FCGR2B: variants seen among roughly 807,000 people sequenced by gnomAD.
The protein encoded by FCGR2B is Fc gamma receptor IIb, also known as low affinity immunoglobulin gamma Fc region receptor II-b.
A neutral mutation model predicts 24.8 loss-of-function variants in FCGR2B; 18 were observed. The observed-to-expected ratio is 0.73, with a 90% CI of 0.50 to 1.08. The LOEUF is 1.08. FCGR2B is among the 50% of genes least tolerant of loss of function. FCGR2B has a pLI of 0.00. For synonymous variants in FCGR2B, 79 were observed against 109.8 expected (o/e 0.72, Z 1.75); for missense variants, 215 against 297.6 (o/e 0.72, Z 2.04).
At chr1:161,651,840 G>A in the FCGR2B span, among the ~76,000 whole-genome samples, 1 of 126,566 alleles carries the variant, frequency 7.9e-6, no homozygotes, top group Non-Finnish European at 1.8e-5. Flanking sequence ...GGGTGAGGCA[G>A]GAGAATTGCT....
intron 3 of FCGR2B, 167 bp downstream of exon 3, chr1:161,671,816 C>T (rs1458551241): frequency 1.1e-5 from 15 of 1,377,028 alleles, no homozygotes; most frequent in Middle Eastern, 2.4e-4. Flanking sequence ...TCTGATTGAA[C>T]AGAAGAAGGT....
At position 161,671,488 on chromosome 1, in the gene FCGR2B, C is replaced by A; in HGVS notation, c.230C>A (p.Pro77His). The change falls in exon 3 of 8, where the codon CCT becomes CAT. Residue 77 changes from proline to histidine, a missense_variant. This residue lies in a region of FCGR2B where 77 missense variants were observed against 68.8 expected (regional missense o/e 1.12). Coordinates refer to ENST00000358671, the MANE Select transcript of FCGR2B (RefSeq NM_001394477.1). ...VTLTCRGTHS[P>H]ESDSIQWFHN... ...CTGACATGCCGGGGGACTCACAGCC[C>A]TGAGAGCGACTCCATTCAGTGGTTC... 1.9e-6 allele frequency: 3 copies of A among 1,614,198 alleles called. No homozygotes were observed. The highest frequency in any genetic ancestry group is 2.5e-6 in the Non-Finnish European group (3 of 1,180,046).
rs775424524 is a variant in FCGR2B at position 161,677,538 on chromosome 1, C to A, written c.918C>A (p.Asp306Glu). ...MHPDALEEPD[D>E]QNRI is the part of the protein sequence containing the mutation. ...CGGATGCTCTGGAAGAGCCTGATGA[C>A]CAGAACCGTATTTAGTCTCCATTGT... Residue 306 changes from aspartate to glutamate, a missense_variant, in exon 8 of 8, where the codon GAC (aspartate) becomes GAA (glutamate). This residue lies in a region of FCGR2B where 81 missense variants were observed against 81.6 expected (regional missense o/e 0.99). Coordinates refer to ENST00000358671, the MANE Select transcript of FCGR2B (RefSeq NM_001394477.1). 4 of 1,612,000 alleles carry A rather than the reference C, an allele frequency of 2.5e-6. No homozygotes were observed. In the South Asian group the frequency reaches 3.3e-5, roughly 13 times the overall value.
At chr1:161,647,479 T>G in the FCGR2B span, among the ~76,000 whole-genome samples, 1 of 150,358 alleles carries the variant, frequency 6.7e-6, no homozygotes, top group Non-Finnish European at 1.5e-5. Context: ...TTTTGTACTT[T>G]TAGTAGGGAC....
At position 161,671,718 on chromosome 1, in the gene FCGR2B, G is replaced by A. The variant is rs575796385; in HGVS notation, c.391+69G>A. 8.1e-6 allele frequency: 13 copies of A among 1,603,688 alleles called. No homozygotes were observed. In the East Asian group the frequency reaches 2.5e-4, roughly 30 times the overall value. On this transcript the variant is annotated intron_variant, in intron 3 of 7. Coordinates refer to ENST00000358671, the MANE Select transcript of FCGR2B (RefSeq NM_001394477.1). ...CGGATGAAATCTGCTTTCAGGCAGA[G>A]GTTTGCAGGAAAGGGGGGTGGCCTG...
At chr1:161,671,751 G>C in intron 3 of FCGR2B, 102 bp downstream of exon 3, 1 of 1,576,874 alleles carries the variant, frequency 6.3e-7, no homozygotes, top group Non-Finnish European at 8.6e-7. Flanking sequence ...CTGCTTACTG[G>C]GAAGTATCGC....
intron 6 of FCGR2B, chr1:161,677,011 C>T (rs1043045677): frequency 1.3e-4 from 55 of 429,902 alleles, no homozygotes; most frequent in African/African-American, 9.8e-4. Flanking sequence ...CCCTCCCCCA[C>T]CTCTTCCCCA....
the FCGR2B span, among the ~76,000 whole-genome samples, chr1:161,647,552 G>A: frequency 3.3e-5 from 5 of 150,224 alleles, no homozygotes; most frequent in South Asian, 4.2e-4. Context: ...TCCCCCCACC[G>A]CCTCGGCCTC....
In FCGR2B at chr1:161,678,260, T is replaced by C. The variant is rs1682301931; in HGVS notation, c.*707T>C. The C allele has an allele frequency of 4.6e-6, 1 of 219,312 alleles. No individual in the cohort carries two copies. The highest frequency in any genetic ancestry group is 9.1e-6 in the Non-Finnish European group (1 of 109,422). 13.6% of individuals were successfully genotyped at this position (219,312 alleles called of 1,614,324 possible). ...TCACGCACCACATAATGATGTTTAG[T>C]TCAACAACAGACTGCATATATGATG... is the stretch of plus-strand genomic sequence containing the variant. On this transcript the variant is annotated 3_prime_UTR_variant, in exon 8 of 8. Transcript: ENST00000358671.
the FCGR2B span, among the ~76,000 whole-genome samples, chr1:161,648,132 C>G: frequency 6.7e-6 from 1 of 149,862 alleles, no homozygotes. Context: ...CTGACAAGAC[C>G]GCAATATACC....
chr1:161,653,970 T>TAATTTG, the FCGR2B span, among the ~76,000 whole-genome samples: 2 of 130,460 alleles, frequency 1.5e-5, no homozygotes, highest in East Asian at 3.9e-4. Context: ...GACACCCCTG[T>TAATTTG]AATTTCATCC....
At chr1:161,673,596 GA>G in intron 4 of FCGR2B, 1 of 671,350 alleles carries the variant, frequency 1.5e-6, no homozygotes, top group Non-Finnish European at 2.7e-6. Context: ...ATTCACTCCA[GA>G]AAGCCTGGCA....
the FCGR2B span, among the ~76,000 whole-genome samples, chr1:161,651,889 T>A: frequency 8.0e-6 from 1 of 124,488 alleles, no homozygotes; most frequent in African/African-American, 2.7e-5. Context: ...GCTGAGATTG[T>A]GCCATTGCAC....
Position 161,678,640 on chromosome 1 carries a change from T to C in FCGR2B, c.*1087T>C, listed in dbSNP as rs913313705. 2 of 198,028 alleles carry C rather than the reference T, an allele frequency of 1.0e-5. No individual in the cohort carries two copies. The highest frequency in any genetic ancestry group is 1.6e-4 in the East Asian group (2 of 12,784). 12.3% of individuals were successfully genotyped at this position (198,028 alleles called of 1,614,324 possible). A position where few individuals can be genotyped will look rare whatever the true frequency, so the allele number is the denominator to read the frequency against. On this transcript the variant is annotated 3_prime_UTR_variant, in exon 8 of 8. Coordinates refer to ENST00000358671, the MANE Select transcript of FCGR2B (RefSeq NM_001394477.1). ...TTTCCTCCTATGGCAAATAAAACAC[T>C]GTTTTGCAACACAAGTTCACGGGAA...
the FCGR2B span, among the ~76,000 whole-genome samples, chr1:161,648,919 T>A: frequency 3.4e-4 from 51 of 151,038 alleles, 1 homozygote; most frequent in Middle Eastern, 3.4e-3. Flanking sequence ...GAACTTTTTT[T>A]AATATTATAT....
At chr1:161,676,447 C>T (rs1372009306) in intron 6 of FCGR2B, 3 of 179,508 alleles carry the variant, frequency 1.7e-5, no homozygotes, top group South Asian at 2.0e-4. Flanking sequence ...TCTGTCTGCA[C>T]TGGCATAAGC....
intron 3 of FCGR2B, 22 bp downstream of exon 3, chr1:161,671,671 G>A (rs1168889511): frequency 6.8e-6 from 11 of 1,611,702 alleles, no homozygotes; most frequent in Non-Finnish European, 9.3e-6. Context: ...AAGGCCCCAG[G>A]GTGGACCTGG....
chr1:161,651,086 AG>A, the FCGR2B span, among the ~76,000 whole-genome samples: 1 of 113,912 alleles, frequency 8.8e-6, no homozygotes, highest in African/African-American at 3.1e-5. Context: ...GTGATGAAAC[AG>A]ATGGTGAATG....
chr1:161,647,873 C>T, the FCGR2B span, among the ~76,000 whole-genome samples: 4 of 150,952 alleles, frequency 2.6e-5, 1 homozygote, highest in Non-Finnish European at 4.4e-5. Flanking sequence ...TTCGTGTGTT[C>T]ATAAATGGGG....
Sources: gnomAD v4.1 joint callset for allele counts (sites outside exome capture counted in the v4.1 genomes callset) on GRCh38, gnomAD v4.1.1 for gene constraint, gnomAD v4.1.1 regional missense constraint, MANE v1.5 for transcripts, NCBI Gene and HGNC (gene_info 2026-07-23, HGNC 2026-07-21) for gene names.